Variants in NEB observed in about 807,000 individuals in gnomAD.
The protein encoded by NEB is nemaline myopathy type 2.
NEB carries 512 observed loss-of-function variants against 952.2 expected under a neutral mutation model. The observed-to-expected ratio is 0.54, with a 90% CI of 0.50 to 0.58. NEB has a LOEUF of 0.58. NEB is among the 20% of genes least tolerant of loss of function. The pLI, the probability that NEB is intolerant of heterozygous loss-of-function variation, is 0.00. For synonymous variants in NEB, 2,900 were observed against 3,149.8 expected (o/e 0.92, Z 2.66); for missense variants, 8,428 against 9,231.1 (o/e 0.91, Z 3.56).
intron 64 of NEB, among the ~76,000 whole-genome samples, chr2:151,635,240 A>G (rs2098734327): frequency 6.6e-6 from 1 of 152,234 alleles, no homozygotes; most frequent in Non-Finnish European, 1.5e-5. Flanking sequence ...TATTATTGGC[A>G]TAAGTCCATT....
At chr2:151,494,758 T>C (rs1259814050) in intron 173 of NEB, among the ~76,000 whole-genome samples, 2 of 152,082 alleles carry the variant, frequency 1.3e-5, no homozygotes, top group South Asian at 2.1e-4. Flanking sequence ...AAGTGATTCT[T>C]CTGCCTCAGC....
intron 119 of NEB, 139 bp downstream of exon 119, chr2:151,563,467 G>C: frequency 1.4e-6 from 1 of 730,904 alleles, no homozygotes; most frequent in Non-Finnish European, 2.4e-6. Flanking sequence ...TGACTTGGAG[G>C]GGTGAGGAAA....
chr2:151,679,656 G>T, intron 32 of NEB, 65 bp downstream of exon 32: 1 of 804,232 alleles, frequency 1.2e-6, no homozygotes, highest in Non-Finnish European at 2.1e-6. Context: ...TTGGGTCATC[G>T]TCAGACCCCA....
At chr2:151,549,422 T>A (rs1403130228) in intron 130 of NEB, among the ~76,000 whole-genome samples, 2 of 152,220 alleles carry the variant, frequency 1.3e-5, no homozygotes, top group East Asian at 3.8e-4. Flanking sequence ...CATTCTGTTC[T>A]AACCCATGGG....
chr2:151,500,668 C>T (rs2063793947), intron 168 of NEB, among the ~76,000 whole-genome samples: 2 of 147,042 alleles, frequency 1.4e-5, no homozygotes, highest in Non-Finnish European at 3.0e-5. Context: ...ACAATCACGG[C>T]TCACTGCAGC....
chr2:151,614,992 T>A (rs1470129662), intron 76 of NEB, among the ~76,000 whole-genome samples: 2 of 152,192 alleles, frequency 1.3e-5, no homozygotes, highest in Non-Finnish European at 2.9e-5. Context: ...AATAGTTCCC[T>A]TATTAGAACT....
At chr2:151,531,131 T>C (rs1224611786) in intron 144 of NEB, 30 bp from the exon 145 acceptor site, 2 of 1,396,622 alleles carry the variant, frequency 1.4e-6, no homozygotes, top group East Asian at 2.3e-5. Flanking sequence ...AAAGACATCA[T>C]GTCATGCTTC....
At position 151,696,648 on chromosome 2, in the gene NEB, G is replaced by C. The variant is rs757999917; in HGVS notation, c.1558C>G (p.Gln520Glu). The change falls in exon 17 of 182, where the codon CAA (glutamine) becomes GAA (glutamate). Residue 520 changes from glutamine (Q) to glutamate (E), a missense_variant. Coordinates refer to ENST00000397345, the MANE Select transcript of NEB (RefSeq NM_001164508.2). ...TTAGAGGAACTTACGTCACTCAGTTGTTTGGAATTGACTTGGGCTTGTAGC... is the reference window on the plus strand; with the variant it reads ...TTAGAGGAACTTACGTCACTCAGTTCTTTGGAATTGACTTGGGCTTGTAGC... ...VLLQAQVNSK[Q>E]LSDLNYKAKH... 1.9e-6 allele frequency: 3 copies of C among 1,613,048 alleles called. No homozygotes were observed.
chr2:151,498,422 G>T, intron 169 of NEB, 70 bp from the exon 170 acceptor site: 1 of 1,105,166 alleles, frequency 9.0e-7, no homozygotes, highest in South Asian at 1.5e-5. Flanking sequence ...CTTTGGAGCA[G>T]TTGGGAGTGG....
chr2:151,671,462 C>T, intron 37 of NEB: 2 of 418,592 alleles, frequency 4.8e-6, no homozygotes, highest in Non-Finnish European at 8.5e-6. Context: ...ATGGGTACTG[C>T]TAAAAAAAAT....
rs117151886 is a variant in NEB, at chr2:151,508,400, C to G, written c.23347-291G>C. ...GCTAGCTGGTCCACAGGAGGAAGGT[C>G]ACAGCCAGCAAGGCCCAGAGAGGGA... On this transcript the variant is annotated intron_variant, in intron 161 of 181. Coordinates refer to ENST00000397345, the MANE Select transcript of NEB (RefSeq NM_001164508.2). Among the ~76,000 whole-genome samples, 18 of 152,318 alleles carry G rather than the reference C, an allele frequency of 1.2e-4. No homozygotes were observed. The East Asian group carries it at 3.5e-3, about 29-fold the overall frequency.
Position 151,690,759 on chromosome 2 carries a change from G to A in NEB, c.2278C>T (p.Gln760Ter). The A allele has an allele frequency of 6.3e-7, 1 of 1,598,594 alleles. No individual in the cohort carries two copies. The highest frequency in any genetic ancestry group is 8.5e-7 in the Non-Finnish European group (1 of 1,172,162). The change falls in exon 24 of 182, where the codon CAA becomes TAA. Residue 760 changes from glutamine to a stop codon, truncating the protein, a stop_gained. Transcript: ENST00000397345. LOFTEE classifies it high-confidence loss of function. Reference sequence around the variant, plus strand: ...AGCTGTTTCGTGTTGAGCTGGGCTTGCAACAGTACAGGAGAATCAGTGACT... The same window carrying A: ...AGCTGTTTCGTGTTGAGCTGGGCTTACAACAGTACAGGAGAATCAGTGACT... ...TAVTDSPVLL[Q>*]AQLNTKQLSD...
intron 129 of NEB, among the ~76,000 whole-genome samples, chr2:151,550,989 C>T (rs943580075): frequency 1.3e-4 from 16 of 119,780 alleles, no homozygotes; most frequent in Admixed American, 4.0e-4. Flanking sequence ...TTATTTGAAA[C>T]GGAGTTTTGC....
rs1002845960 is a variant in NEB at position 151,647,417 on chromosome 2, G to T, written c.7432-1183C>A. On this transcript the variant is annotated intron_variant, in intron 54 of 181. Coordinates refer to ENST00000397345, the MANE Select transcript of NEB (RefSeq NM_001164508.2). Reference sequence around the variant, plus strand: ...GAGCCATCGTGCCCGGCTAAAACTAGGAAAATTTGATTAAAAACAGAATAT... The same window carrying T: ...GAGCCATCGTGCCCGGCTAAAACTATGAAAATTTGATTAAAAACAGAATAT... Among the ~76,000 whole-genome samples, 6 of 152,192 alleles carry T rather than the reference G, an allele frequency of 3.9e-5. No individual in the cohort carries two copies. Among genetic ancestry groups the T allele is most frequent in the Admixed American group, 2.6e-4 (4 of 15,272 alleles).
chr2:151,618,947 C>A (rs959487218), intron 73 of NEB, among the ~76,000 whole-genome samples: 2 of 152,106 alleles, frequency 1.3e-5, no homozygotes, highest in African/African-American at 4.8e-5. Context: ...CTTAATTATT[C>A]ATTTTATTTT....
At position 151,641,965 on chromosome 2, in the gene NEB, C is replaced by T. The variant is rs182521252; in HGVS notation, c.8373+609G>A. Among the ~76,000 whole-genome samples the T allele has an allele frequency of 3.1e-3, 474 of 152,202 alleles. 2 individuals are homozygous for T. The highest frequency in any genetic ancestry group is 4.8e-3 in the Non-Finnish European group (327 of 67,984). ...TCTCCTAATGCTATCCCTCCTCCCT[C>T]CCCCCATCCTATGACAGGCCCCAGT... On this transcript the variant is annotated intron_variant, in intron 60 of 181. Coordinates refer to ENST00000397345, the MANE Select transcript of NEB (RefSeq NM_001164508.2).
rs775004844 is a variant in NEB, at chr2:151,570,384, A to G, written c.17127T>C (p.Tyr5709=). The change falls in exon 109 of 182, where the codon TAT becomes TAC. Residue 5709 remains tyrosine (Y), a synonymous_variant. Transcript: ENST00000397345. ...CCTTCTGCTTCTCATGGTCAAGCTTATATTTATACTGGAGATGCAAAAATA... is the reference window on the plus strand; with the variant it reads ...CCTTCTGCTTCTCATGGTCAAGCTTGTATTTATACTGGAGATGCAAAAATA... The part of the protein sequence containing the change: ...ASREIASDYK[Y]KLDHEKQKGH... 2.5e-6 allele frequency: 4 copies of G among 1,576,264 alleles called. No individual in the cohort carries two copies. In the African/African-American group the frequency reaches 4.1e-5, roughly 16 times the overall value.
chr2:151,652,251 C>T (rs768119990), intron 52 of NEB, among the ~76,000 whole-genome samples: 3 of 151,950 alleles, frequency 2.0e-5, no homozygotes, highest in East Asian at 3.9e-4. Flanking sequence ...TTTGAGATAC[C>T]GTCTGGCTCT....
chr2:151,697,503 G>C, intron 14 of NEB, 41 bp downstream of exon 14: 2 of 1,604,320 alleles, frequency 1.2e-6, no homozygotes, highest in Non-Finnish European at 1.7e-6. Context: ...GAAATAATGG[G>C]TTCTTTTTTT....
Sources: allele counts gnomAD v4.1 joint callset (sites outside exome capture counted in the v4.1 genomes callset), GRCh38; gene constraint gnomAD v4.1.1; transcripts MANE v1.5; gene names NCBI Gene and HGNC (gene_info 2026-07-23, HGNC 2026-07-21).